The following ZNF546 variants were observed in gnomAD, a reference collection of about 807,000 sequenced individuals.
ZNF546 encodes the protein CTC-471F3.6.
A neutral mutation model predicts 76.2 loss-of-function variants in ZNF546; 60 were observed. The observed-to-expected ratio is 0.79, with a 90% CI of 0.64 to 0.98. The LOEUF (loss-of-function observed/expected upper bound fraction) is 0.98. Ranked by LOEUF, ZNF546 falls within the 50% of genes least tolerant of loss-of-function variation. ZNF546 has a pLI of 0.00. For missense variants in ZNF546, 936 were observed against 1,035.6 expected, an observed-to-expected ratio of 0.90 and a Z score of 1.32; for synonymous variants, 277 against 328.1, an observed-to-expected ratio of 0.84 and a Z score of 1.68.
Position 40,007,351 on chromosome 19 carries a change from C to T in ZNF546, c.249C>T (p.Asp83=). The T allele has an allele frequency of 6.2e-7, 1 of 1,606,678 alleles. No individual in the cohort carries two copies. Among genetic ancestry groups the T allele is most frequent in the African/African-American group, 1.3e-5 (1 of 74,752 alleles). ...EWECLDAVQR[D]LYKDVMLENY... The stretch of plus-strand genomic sequence containing the variant: ...AGTGCCTGGACGCTGTGCAGAGGGA[C>T]TTGTACAAGGATGTGATGTTGGAGA... Residue 83 remains aspartate, a synonymous_variant, in exon 5 of 7, where the codon GAC becomes GAT. Transcript: ENST00000347077.
At position 40,019,006 on chromosome 19, in the gene ZNF546, A is replaced by G. The variant is rs902683664; in HGVS notation, c.*3225A>G. The G allele has an allele frequency of 1.3e-5, 2 of 152,220 alleles. No individual in the cohort carries two copies. Among genetic ancestry groups the G allele is most frequent in the African/African-American group, 4.8e-5 (2 of 41,460 alleles). 9.4% of individuals were successfully genotyped at this position (152,220 alleles called of 1,614,324 possible). A position where few individuals can be genotyped will look rare whatever the true frequency, so the allele number is the denominator to read the frequency against. On this transcript the variant is annotated 3_prime_UTR_variant, in exon 7 of 7. Coordinates refer to ENST00000347077, the MANE Select transcript of ZNF546 (RefSeq NM_178544.5). ...AACTGAAATACTTGCTTCATATGGTAATCACCAGGTTTCTCTGTTGTAGAG... is the reference window on the plus strand; with the variant it reads ...AACTGAAATACTTGCTTCATATGGTGATCACCAGGTTTCTCTGTTGTAGAG...
intron 3 of ZNF546, among the ~76,000 whole-genome samples, chr19:40,005,063 G>C (rs1374147813): frequency 1.5e-5 from 2 of 130,412 alleles, no homozygotes; most frequent in South Asian, 4.7e-4. Context: ...CTGTCGCCCA[G>C]GTTGGAGTGC....
intron 3 of ZNF546, chr19:39,998,684 T>G (rs1035258307): frequency 2.4e-6 from 1 of 416,638 alleles, no homozygotes; most frequent in Non-Finnish European, 4.3e-6. Flanking sequence ...AATCCATGAG[T>G]TGAGATTTAT....
chr19:40,012,132 A>ACT (rs397943168), intron 6 of ZNF546, among the ~76,000 whole-genome samples: 1 of 152,004 alleles, frequency 6.6e-6, no homozygotes. Flanking sequence ...ATGATAAAAC[A>ACT]ACTGATGCTC....
chr19:40,018,154 T>G lies in ZNF546; in HGVS notation c.*2373T>G, dbSNP rs1293329010. 6.6e-6 allele frequency: 1 copy of G among 152,070 alleles called. No individual in the cohort carries two copies. 9.4% of individuals were successfully genotyped at this position (152,070 alleles called of 1,614,324 possible). On this transcript the variant is annotated 3_prime_UTR_variant, in exon 7 of 7. Transcript: ENST00000347077. The stretch of plus-strand genomic sequence containing the variant: ...CCCGGCTAATTTTTTGTATTTTTAG[T>G]AGAGACGGGGTTTCACCATGTTAGC...
In ZNF546 at chr19:40,015,352, A is replaced by G. The variant is rs759008966; in HGVS notation, c.2082A>G (p.Ile694Met). 12 of 1,614,198 alleles carry G rather than the reference A, an allele frequency of 7.4e-6. No individual in the cohort carries two copies. Among genetic ancestry groups the G allele is most frequent in the Non-Finnish European group, 1.0e-5 (12 of 1,180,024 alleles). The change falls in exon 7 of 7, where the codon ATA (isoleucine) becomes ATG (methionine). Residue 694 changes from isoleucine to methionine, a missense_variant. Transcript: ENST00000347077. ...GCCATACTGGTGAGAAGCCCTACAT[A>G]TGTAATGAATGTGGGAATGCTTTTA... ...HRGHTGEKPY[I>M]CNECGNAFIC... is the part of the protein sequence containing the mutation.
chr19:40,008,436 C>A, intron 5 of ZNF546, 34 bp from the exon 6 acceptor site: 3 of 1,495,218 alleles, frequency 2.0e-6, no homozygotes, highest in Non-Finnish European at 1.8e-6. Flanking sequence ...TTGTTTTTTT[C>A]TATAACATGT....
intron 3 of ZNF546, among the ~76,000 whole-genome samples, chr19:40,002,792 C>G (rs963897914): frequency 1.3e-5 from 2 of 151,518 alleles, no homozygotes; most frequent in Admixed American, 1.3e-4. Flanking sequence ...CTCTGCCTCC[C>G]GGGTGGAAGC....
At chr19:39,999,740 TA>T (rs1481403403) in intron 3 of ZNF546, 1 of 152,132 alleles carries the variant, frequency 6.6e-6, no homozygotes, top group African/African-American at 2.4e-5. Flanking sequence ...CACGCCCAGC[TA>T]ATTTTTTGTA....
At chr19:40,009,502 GTTT>G (rs1971645154) in intron 6 of ZNF546, among the ~76,000 whole-genome samples, 1 of 152,126 alleles carries the variant, frequency 6.6e-6, no homozygotes, top group Admixed American at 6.5e-5. Flanking sequence ...TTTTAAAACA[GTTT>G]TATTGACATA....
At position 40,015,095 on chromosome 19, in the gene ZNF546, T is replaced by C. The variant is rs771644907; in HGVS notation, c.1825T>C (p.Tyr609His). ...TAAAATTCATACTGGTGAAAAACCCTACATATGTAATGAATGTGGGAAAGC... is the reference window on the plus strand; with the variant it reads ...TAAAATTCATACTGGTGAAAAACCCCACATATGTAATGAATGTGGGAAAGC... ...HFKIHTGEKP[Y>H]ICNECGKAFR... The change falls in exon 7 of 7, where the codon TAC (tyrosine) becomes CAC (histidine). Residue 609 changes from tyrosine to histidine, a missense_variant. Tyr to His is a moderately conservative substitution (Grantham distance 83, BLOSUM62 2). Coordinates refer to ENST00000347077, the MANE Select transcript of ZNF546 (RefSeq NM_178544.5). The C allele has an allele frequency of 6.2e-7, 1 of 1,614,088 alleles. No individual in the cohort carries two copies. The highest frequency in any genetic ancestry group is 8.5e-7 in the Non-Finnish European group (1 of 1,179,978).
At chr19:40,004,785 T>A (rs1166042506) in intron 3 of ZNF546, among the ~76,000 whole-genome samples, 1 of 152,138 alleles carries the variant, frequency 6.6e-6, no homozygotes, top group Non-Finnish European at 1.5e-5. Flanking sequence ...CCTTATTTTT[T>A]AATTTAGAAC....
At chr19:40,008,845 G>T (rs955636661) in intron 6 of ZNF546, among the ~76,000 whole-genome samples, 1 of 152,114 alleles carries the variant, frequency 6.6e-6, no homozygotes, top group Non-Finnish European at 1.5e-5. Flanking sequence ...CATTTTACGT[G>T]TGTTTCCAGG....
intron 3 of ZNF546, among the ~76,000 whole-genome samples, chr19:40,000,936 G>A (rs1029860105): frequency 2.0e-5 from 3 of 151,956 alleles, no homozygotes; most frequent in Non-Finnish European, 4.4e-5. Flanking sequence ...ACCCTAATGT[G>A]GAATCAGTGG....
In ZNF546 at chr19:40,015,898, A is replaced by C; in HGVS notation, c.*117A>C. 1 of 941,712 alleles carries C rather than the reference A, an allele frequency of 1.1e-6. No individual in the cohort carries two copies. The highest frequency in any genetic ancestry group is 1.7e-6 in the Non-Finnish European group (1 of 603,578). The allele number at this position is 941,712 out of a possible 1,614,324, so 58.3% of individuals were successfully genotyped here. On this transcript the variant is annotated 3_prime_UTR_variant, in exon 7 of 7. Transcript: ENST00000347077. ...TTTTACTTCATGCTCACAATTTATC[A>C]GAAATTATTTCGTATGTTAAAGAGT...
Position 40,018,927 on chromosome 19 carries a change from A to G in ZNF546, c.*3146A>G, listed in dbSNP as rs932361618. ...CAAATTGCAGATTTACGTTTAAAAT[A>G]TGGCCTGTTTTAAGCCACTAAGTTT... is the stretch of plus-strand genomic sequence containing the variant. On this transcript the variant is annotated 3_prime_UTR_variant, in exon 7 of 7. Transcript: ENST00000347077. 6.6e-6 allele frequency: 1 copy of G among 152,252 alleles called. No individual in the cohort carries two copies. Among genetic ancestry groups the G allele is most frequent in the African/African-American group, 2.4e-5 (1 of 41,468 alleles). The allele number at this position is 152,252 out of a possible 1,614,324, so 9.4% of individuals were successfully genotyped here.
Position 40,015,770 on chromosome 19 carries a change from T to G in ZNF546, c.2500T>G (p.Cys834Gly). Reference protein sequence around the residue: ...QRNHISEEVLCIM With the variant: ...QRNHISEEVLGIM ...AAATCATATTAGTGAGGAAGTCCTA[T>G]GCATAATGTAAAGAGAATACGATGG... is the stretch of plus-strand genomic sequence containing the variant. The change falls in exon 7 of 7, where the codon TGC (cysteine) becomes GGC (glycine). Residue 834 changes from cysteine to glycine, a missense_variant. Cys to Gly is a radical substitution (Grantham distance 159). Transcript: ENST00000347077. 1 of 1,612,590 alleles carries G rather than the reference T, an allele frequency of 6.2e-7. No homozygotes were observed. Among genetic ancestry groups the G allele is most frequent in the Non-Finnish European group, 8.5e-7 (1 of 1,179,120 alleles).
Position 39,998,099 on chromosome 19 carries a change from C to G in ZNF546, c.-79-149C>G. ...CAAAAATCACATCCCCAGGTACTTTCTGTAGCTTTCATTTGCATTTTTCCC... is the reference window on the plus strand; with the variant it reads ...CAAAAATCACATCCCCAGGTACTTTGTGTAGCTTTCATTTGCATTTTTCCC... On this transcript the variant is annotated intron_variant, in intron 2 of 6. Coordinates refer to ENST00000347077, the MANE Select transcript of ZNF546 (RefSeq NM_178544.5). 6 of 531,236 alleles carry G rather than the reference C, an allele frequency of 1.1e-5. No homozygotes were observed. In the South Asian group the frequency reaches 1.3e-4, roughly 12 times the overall value. 32.9% of individuals were successfully genotyped at this position (531,236 alleles called of 1,614,324 possible).
chr19:40,014,747 G>A lies in ZNF546; in HGVS notation c.1477G>A (p.Gly493Ser), dbSNP rs1425316267. Residue 493 changes from glycine to serine, a missense_variant, in exon 7 of 7, where the codon GGT becomes AGT. By Grantham distance (56) the Gly-to-Ser change is moderately conservative. Coordinates refer to ENST00000347077, the MANE Select transcript of ZNF546 (RefSeq NM_178544.5). Reference protein sequence around the residue: ...QLTLHLRTHTGEIPYECKECG... With the variant: ...QLTLHLRTHTSEIPYECKECG... Reference sequence around the variant, plus strand: ...TACTTTACATCTGAGAACTCACACCGGTGAGATTCCCTATGAATGTAAGGA... The same window carrying A: ...TACTTTACATCTGAGAACTCACACCAGTGAGATTCCCTATGAATGTAAGGA... 2.0e-5 allele frequency: 33 copies of A among 1,611,938 alleles called. 1 individual carries two copies. The highest frequency in any genetic ancestry group is 1.6e-4 in the Middle Eastern group (1 of 6,080).
Sources: allele counts gnomAD v4.1 joint callset (sites outside exome capture counted in the v4.1 genomes callset), GRCh38; gene constraint gnomAD v4.1.1; transcripts MANE v1.5; gene names NCBI Gene and HGNC (gene_info 2026-07-23, HGNC 2026-07-21).